FOXP2: variants seen among roughly 807,000 people sequenced by gnomAD.
FOXP2 encodes the protein forkhead box P2.
In FOXP2, 12 loss-of-function variants were observed where a neutral mutation model predicts 115.8. That is an observed-to-expected ratio of 0.10 (90% CI 0.07 to 0.17). FOXP2 has a LOEUF of 0.17. Among genes scored for constraint, FOXP2 ranks in the 10% least tolerant of loss-of-function variants. The pLI is 1.00. For missense variants in FOXP2, 629 were observed against 843.5 expected, an observed-to-expected ratio of 0.75 and a Z score of 3.15; for synonymous variants, 328 against 297.7, an observed-to-expected ratio of 1.10 and a Z score of -1.05.
At chr7:114,572,901 G>A (rs1251023250) in intron 3 of FOXP2, among the ~76,000 whole-genome samples, 2 of 151,842 alleles carry the variant, frequency 1.3e-5, no homozygotes, top group Non-Finnish European at 2.9e-5. Flanking sequence ...TGAATTTGTT[G>A]CCCAAGTTTG....
chr7:114,662,623 G>C (rs1248528272), intron 14 of FOXP2, among the ~76,000 whole-genome samples: 2 of 151,940 alleles, frequency 1.3e-5, no homozygotes, highest in Admixed American at 6.6e-5. Flanking sequence ...AAAAAAATAA[G>C]GCTATTTCTT....
intron 2 of FOXP2, among the ~76,000 whole-genome samples, chr7:114,503,987 T>A (rs1187401334): frequency 2.6e-5 from 4 of 151,666 alleles, no homozygotes; most frequent in Non-Finnish European, 5.9e-5. Context: ...AAATGTGGAC[T>A]TAATACAACT....
chr7:114,524,620 A>G (rs1312295744), intron 2 of FOXP2, among the ~76,000 whole-genome samples: 3 of 152,192 alleles, frequency 2.0e-5, no homozygotes, highest in African/African-American at 7.2e-5. Flanking sequence ...TGTGATAAAA[A>G]GAGGGTGTTT....
At chr7:114,287,830 C>T (rs990956414) in intron 1 of FOXP2, among the ~76,000 whole-genome samples, 5 of 151,808 alleles carry the variant, frequency 3.3e-5, no homozygotes, top group Non-Finnish European at 7.4e-5. Flanking sequence ...TGAAAGTTCT[C>T]TAAATTAAAA....
chr7:114,579,992 T>A (rs1801765671), intron 3 of FOXP2, among the ~76,000 whole-genome samples: 1 of 152,090 alleles, frequency 6.6e-6, no homozygotes, highest in Non-Finnish European at 1.5e-5. Flanking sequence ...AGGTAAAGTT[T>A]AAAAAAAATC....
chr7:114,642,685 A>G, intron 7 of FOXP2, 62 bp downstream of exon 7: 6 of 1,480,598 alleles, frequency 4.1e-6, no homozygotes, highest in Non-Finnish European at 5.6e-6. Flanking sequence ...CACCATTGAG[A>G]CAATGAAAAA....
At chr7:114,163,117 C>T (rs1441428787) in intron 1 of FOXP2, 2 of 152,084 alleles carry the variant, frequency 1.3e-5, no homozygotes, top group Non-Finnish European at 2.9e-5. Flanking sequence ...ACATATTTTT[C>T]ATCTCTCAGT....
intron 1 of FOXP2, among the ~76,000 whole-genome samples, chr7:114,245,751 A>G (rs192402121): frequency 1.7e-4 from 26 of 152,256 alleles, no homozygotes; most frequent in Admixed American, 2.0e-4. Flanking sequence ...AGACTTGTAC[A>G]TGTGTTTGTG....
intron 2 of FOXP2, among the ~76,000 whole-genome samples, chr7:114,506,557 T>C (rs1399060248): frequency 6.6e-6 from 1 of 151,654 alleles, no homozygotes; most frequent in Non-Finnish European, 1.5e-5. Context: ...TTGATATTTA[T>C]TTTCCCTTGA....
chr7:114,239,541 C>T (rs777829619), intron 1 of FOXP2, among the ~76,000 whole-genome samples: 6 of 152,080 alleles, frequency 3.9e-5, no homozygotes, highest in Non-Finnish European at 7.4e-5. Flanking sequence ...GAGCATTTGG[C>T]TTTGTTGGGA....
intron 16 of FOXP2, among the ~76,000 whole-genome samples, chr7:114,673,355 T>C (rs979907759): frequency 6.6e-6 from 1 of 152,236 alleles, no homozygotes; most frequent in Non-Finnish European, 1.5e-5. Flanking sequence ...TACTTATCAA[T>C]GATGAAAGTA....
At chr7:114,416,801 G>A (rs576580305) in intron 1 of FOXP2, among the ~76,000 whole-genome samples, 50 of 152,048 alleles carry the variant, frequency 3.3e-4, no homozygotes, top group Non-Finnish European at 5.4e-4. Context: ...TGGTTTTCAC[G>A]GAAAGCAGAG....
intron 1 of FOXP2, among the ~76,000 whole-genome samples, chr7:114,144,394 A>T (rs1266691969): frequency 6.6e-6 from 1 of 152,070 alleles, no homozygotes; most frequent in African/African-American, 2.4e-5. Context: ...CCTTTTACTT[A>T]TCTGATTGTG....
At chr7:114,612,496 A>T (rs1318143387) in intron 3 of FOXP2, among the ~76,000 whole-genome samples, 1 of 117,390 alleles carries the variant, frequency 8.5e-6, no homozygotes, top group Admixed American at 7.7e-5. Context: ...GCTCAGTAAG[A>T]GTTCAGATAA....
At chr7:114,194,699 A>T (rs916371313) in intron 1 of FOXP2, among the ~76,000 whole-genome samples, 10 of 152,092 alleles carry the variant, frequency 6.6e-5, no homozygotes, top group African/African-American at 2.4e-4. Context: ...ATTTGCAGAT[A>T]CATAGCAAAT....
intron 1 of FOXP2, among the ~76,000 whole-genome samples, chr7:114,181,840 TAAAG>T (rs913387382): frequency 3.9e-5 from 6 of 152,072 alleles, no homozygotes; most frequent in African/African-American, 1.4e-4. Flanking sequence ...AAATATTTGA[TAAAG>T]AAATCTATAT....
At chr7:114,527,483 C>A (rs1798935514) in intron 2 of FOXP2, among the ~76,000 whole-genome samples, 1 of 152,024 alleles carries the variant, frequency 6.6e-6, no homozygotes, top group Non-Finnish European at 1.5e-5. Context: ...GGTCTTGACT[C>A]TTCCTCTCTC....
chr7:114,196,717 G>C (rs1206056217), intron 1 of FOXP2, among the ~76,000 whole-genome samples: 1 of 152,122 alleles, frequency 6.6e-6, no homozygotes, highest in Non-Finnish European at 1.5e-5. Context: ...AGACACTGTG[G>C]GTATGCGATC....
At chr7:114,458,942 GCTGAGGTCA>G (rs371507442) in intron 2 of FOXP2, among the ~76,000 whole-genome samples, 19 of 152,198 alleles carry the variant, frequency 1.2e-4, no homozygotes, top group African/African-American at 3.6e-4. Flanking sequence ...CTAGTAATAG[GCTGAGGTCA>G]CTCACGTGGT....
Sources: allele counts gnomAD v4.1 joint callset (sites outside exome capture counted in the v4.1 genomes callset), GRCh38; gene constraint gnomAD v4.1.1; transcripts MANE v1.5; gene names NCBI Gene and HGNC (gene_info 2026-07-23, HGNC 2026-07-21).